The following LARP1B variants were observed in gnomAD, a reference collection of about 807,000 sequenced individuals.
LARP1B encodes La ribonucleoprotein 1B.
A neutral mutation model predicts 114.2 loss-of-function variants in LARP1B; 76 were observed. The ratio of observed to expected loss-of-function variants is 0.67; its 90% CI spans 0.55 to 0.81. The LOEUF (loss-of-function observed/expected upper bound fraction) is 0.81, where lower values mean the gene tolerates loss of function less well. Among genes scored for constraint, LARP1B ranks in the 30% least tolerant of loss-of-function variants. The pLI is 0.00. For missense variants in LARP1B, 1,014 were observed against 1,075.8 expected (o/e 0.94, Z 0.80); for synonymous variants, 345 against 348.0 (o/e 0.99, Z 0.10).
chr4:128,070,731 A>C (rs1376181264), intron 1 of LARP1B, among the ~76,000 whole-genome samples: 1 of 152,008 alleles, frequency 6.6e-6, no homozygotes, highest in African/African-American at 2.4e-5. Context: ...TGGGAGACCA[A>C]GGTGACCGGG....
At chr4:128,109,424 A>AT (rs1021001586) in intron 9 of LARP1B, among the ~76,000 whole-genome samples, 24 of 151,912 alleles carry the variant, frequency 1.6e-4, no homozygotes, top group African/African-American at 3.4e-4. Flanking sequence ...TAAAATTTCT[A>AT]TTTTTTTTCC....
At chr4:128,092,938 C>T (rs926407021) in intron 7 of LARP1B, 3 of 985,276 alleles carry the variant, frequency 3.0e-6, no homozygotes. Context: ...GGATAATCGG[C>T]CTCCAGTGTG....
chr4:128,188,561 G>T (rs1751132798), intron 15 of LARP1B, among the ~76,000 whole-genome samples: 1 of 151,864 alleles, frequency 6.6e-6, no homozygotes, highest in Non-Finnish European at 1.5e-5. Context: ...GGTTTGATTT[G>T]TTCTTTTCTA....
chr4:128,206,653 C>A, intron 18 of LARP1B, 116 bp downstream of exon 18: 1 of 1,431,164 alleles, frequency 7.0e-7, no homozygotes, highest in Non-Finnish European at 9.1e-7. Flanking sequence ...TTAAGATCTT[C>A]ATGCTATTGT....
chr4:128,069,523 GA>G lies in LARP1B; in HGVS notation c.-77-4936del, dbSNP rs1193938463. ...CAGATGGGGTGGGGAGCCCTGTGGA[GA>G]GCAGAGAGCTGGTGGTACTGCCAGC... On this transcript the variant is annotated intron_variant, in intron 1 of 19. Coordinates refer to ENST00000326639, the MANE Select transcript of LARP1B (RefSeq NM_018078.4). The G allele has an allele frequency of 1.7e-5, 13 of 747,690 alleles. No homozygotes were observed. In the African/African-American group the frequency reaches 2.0e-4, roughly 12 times the overall value. 46.3% of individuals were successfully genotyped at this position (747,690 alleles called of 1,614,324 possible).
chr4:128,066,142 A>G (rs1423933827), intron 1 of LARP1B, among the ~76,000 whole-genome samples: 1 of 97,504 alleles, frequency 1.0e-5, no homozygotes, highest in Non-Finnish European at 2.3e-5. Flanking sequence ...GCGGCTTTCT[A>G]TTGTCTATTT....
At chr4:128,096,229 G>A (rs543994764) in intron 7 of LARP1B, among the ~76,000 whole-genome samples, 7 of 152,110 alleles carry the variant, frequency 4.6e-5, no homozygotes, top group Admixed American at 2.6e-4. Context: ...TTCTGACCTC[G>A]TGATCCGCCC....
intron 7 of LARP1B, among the ~76,000 whole-genome samples, chr4:128,096,132 TACAGGC>T (rs1777894182): frequency 6.6e-6 from 1 of 151,946 alleles, no homozygotes; most frequent in Admixed American, 6.6e-5. Context: ...TAGCTGGCAC[TACAGGC>T]GCCCGCCACC....
chr4:128,166,968 CTCTA>C (rs56084134), intron 12 of LARP1B, among the ~76,000 whole-genome samples: 6,137 of 80,396 alleles, frequency 0.076, 122 homozygotes, highest in Non-Finnish European at 0.09. Context: ...CTCTCTCTCT[CTCTA>C]TATATATATA....
intron 7 of LARP1B, among the ~76,000 whole-genome samples, chr4:128,097,059 C>T (rs1381412772): frequency 3.3e-5 from 5 of 151,990 alleles, no homozygotes; most frequent in Non-Finnish European, 7.4e-5. Context: ...CCACCATGCC[C>T]AGCTAGTTTT....
intron 15 of LARP1B, among the ~76,000 whole-genome samples, chr4:128,188,309 A>T (rs1751021301): frequency 6.6e-6 from 1 of 152,120 alleles, no homozygotes; most frequent in South Asian, 2.1e-4. Flanking sequence ...TCCCAACCTC[A>T]GGTCATCCGC....
intron 1 of LARP1B, among the ~76,000 whole-genome samples, chr4:128,065,412 GT>G (rs1440016145): frequency 5.7e-5 from 8 of 139,776 alleles, no homozygotes; most frequent in Non-Finnish European, 1.2e-4. Context: ...GTCTCTCTGT[GT>G]TTCCCAGGCT....
chr4:128,156,121 G>A, intron 11 of LARP1B: 2 of 1,610,444 alleles, frequency 1.2e-6, no homozygotes, highest in Non-Finnish European at 1.7e-6. Context: ...TGAGCCCTGT[G>A]CCTCAGCTCA....
chr4:128,107,451 T>C, intron 9 of LARP1B, 138 bp downstream of exon 9: 4 of 1,488,826 alleles, frequency 2.7e-6, no homozygotes, highest in Non-Finnish European at 3.6e-6. Context: ...AGTCCCATTT[T>C]GTATTCATAT....
intron 11 of LARP1B, among the ~76,000 whole-genome samples, chr4:128,154,448 A>C (rs977538244): frequency 6.6e-6 from 1 of 152,122 alleles, no homozygotes; most frequent in African/African-American, 2.4e-5. Context: ...ATAAAGTTCA[A>C]ATTCTTTGGC....
At chr4:128,119,164 C>T (rs1580659778) in intron 10 of LARP1B, among the ~76,000 whole-genome samples, 1 of 152,138 alleles carries the variant, frequency 6.6e-6, no homozygotes, top group South Asian at 2.1e-4. Flanking sequence ...GGATTACAGG[C>T]GTGAGCCACT....
At chr4:128,140,821 T>TG (rs1727673507) in intron 11 of LARP1B, among the ~76,000 whole-genome samples, 1 of 107,296 alleles carries the variant, frequency 9.3e-6, no homozygotes, top group Non-Finnish European at 2.2e-5. Flanking sequence ...GTTAATTGTC[T>TG]CTGTTTTTTT....
At chr4:128,213,827 G>A (rs555080736), downstream of LARP1B, among the ~76,000 whole-genome samples, 99 of 152,222 alleles carry the variant, frequency 6.5e-4, no homozygotes, top group Non-Finnish European at 1.1e-3. Context: ...GAACAGCTCC[G>A]GTCTACAGCT....
At chr4:128,222,860 A>C (rs529269082), downstream of LARP1B, 23 of 153,198 alleles carry the variant, frequency 1.5e-4, no homozygotes, top group African/African-American at 5.5e-4. Context: ...GGACCACCAG[A>C]TTATCTTGAT....
Sources: allele counts gnomAD v4.1 joint callset (sites outside exome capture counted in the v4.1 genomes callset), GRCh38; gene constraint gnomAD v4.1.1; transcripts MANE v1.5; gene names NCBI Gene and HGNC (gene_info 2026-07-23, HGNC 2026-07-21).